Variants in TBX1 observed in about 807,000 individuals in gnomAD.
The protein encoded by TBX1 is T-box transcription factor TBX1.
TBX1 carries 16 observed loss-of-function variants against 40.8 expected under a neutral mutation model. The observed-to-expected ratio is 0.39, with a 90% CI of 0.27 to 0.60. TBX1 has a LOEUF of 0.60. TBX1 is among the 20% of genes least tolerant of loss of function. The pLI is 0.51. For missense variants in TBX1, 755 were observed against 728.5 expected (o/e 1.04, Z -0.42); for synonymous variants, 403 against 336.8 (o/e 1.20, Z -2.15).
Position 19,760,966 on chromosome 22 carries a change from G to T in TBX1, c.123G>T (p.Ser41=). 4 of 988,226 alleles carry T rather than the reference G, an allele frequency of 4.0e-6. No individual in the cohort carries two copies. Among genetic ancestry groups the T allele is most frequent in the Non-Finnish European group, 4.8e-6 (4 of 831,346 alleles). The allele number at this position is 988,226 out of a possible 1,614,324, so 61.2% of individuals were successfully genotyped here. The change falls in exon 1 of 7, where the codon TCG becomes TCT. Residue 41 remains serine, a synonymous_variant. Coordinates refer to ENST00000649276, the MANE Select transcript of TBX1 (RefSeq NM_001379200.1). ...GAAGGFPGAA[S]PGADPYGPRE... is the part of the protein sequence containing the mutation. ...CGGGGGGCTTCCCGGGCGCCGCGTC[G>T]CCCGGCGCCGACCCGTACGGCCCGC...
rs757867291 is a variant in TBX1, at chr22:19,766,785, C to T, written c.1433C>T (p.Ala478Val). 8.7e-6 allele frequency: 13 copies of T among 1,494,414 alleles called. No individual in the cohort carries two copies. The highest frequency in any genetic ancestry group is 1.1e-5 in the Non-Finnish European group (12 of 1,137,624). 92.6% of individuals were successfully genotyped at this position (1,494,414 alleles called of 1,614,324 possible). A position where few individuals can be genotyped will look rare whatever the true frequency, so the allele number is the denominator to read the frequency against. ...CCAGCCGCCGCGGCCGCCGCCGCCG[C>T]TGCCGCAGCTGCCGCGGCCGCCAAC... ...VSPAAAAAAA[A>V]AAAAAAANMY... The change falls in exon 7 of 7, where the codon GCT becomes GTT. Residue 478 changes from alanine (A) to valine (V), a missense_variant. Around this residue, in one of 3 missense-constraint regions of TBX1, gnomAD observed 412 missense variants for 317.6 expected, o/e 1.30. Coordinates refer to ENST00000649276, the MANE Select transcript of TBX1 (RefSeq NM_001379200.1).
At chr22:19,758,325 G>A (rs1430420052), upstream of TBX1, among the ~76,000 whole-genome samples, 1 of 152,194 alleles carries the variant, frequency 6.6e-6, no homozygotes, top group African/African-American at 2.4e-5. Context: ...AGGCACAGAG[G>A]CTCCAGCAAG....
intron 6 of TBX1, 150 bp downstream of exon 6, chr22:19,766,152 C>T: frequency 1.3e-6 from 1 of 765,648 alleles, no homozygotes; most frequent in Non-Finnish European, 1.6e-6. Context: ...AGCGCGCACT[C>T]GCCCGCCCGG....
chr22:19,762,225 G>C (rs1254358857), intron 1 of TBX1, among the ~76,000 whole-genome samples: 1 of 152,262 alleles, frequency 6.6e-6, no homozygotes, highest in Non-Finnish European at 1.5e-5. Context: ...AGCCCGGCAA[G>C]GGCCTTGTCG....
chr22:19,777,850 C>G (rs1178880674), intron 8 of TBX1, among the ~76,000 whole-genome samples: 2 of 151,344 alleles, frequency 1.3e-5, no homozygotes, highest in Non-Finnish European at 2.9e-5. Flanking sequence ...GCCTTGACCT[C>G]CTAGGCTCAA....
chr22:19,782,847 G>A (rs1937154749), downstream of TBX1: 8 of 1,613,358 alleles, frequency 5.0e-6, no homozygotes, highest in Admixed American at 1.7e-5. Context: ...ATTTGATAAA[G>A]GCCACAAACA....
At position 19,765,793 on chromosome 22, in the gene TBX1, G is replaced by T. The variant is rs763843987; in HGVS notation, c.903G>T (p.Ala301=). The T allele has an allele frequency of 1.9e-6, 3 of 1,611,426 alleles. No individual in the cohort carries two copies. Among genetic ancestry groups the T allele is most frequent in the Non-Finnish European group, 2.5e-6 (3 of 1,179,116 alleles). ...TCAAGATTGCCAGCAATCCCTTCGCGAAAGGCTTCCGGGACTGTGACCCTG... is the reference window on the plus strand; with the variant it reads ...TCAAGATTGCCAGCAATCCCTTCGCTAAAGGCTTCCGGGACTGTGACCCTG... The part of the protein sequence containing the change: ...TQLKIASNPF[A]KGFRDCDPED... The change falls in exon 5 of 7, where the codon GCG becomes GCT. Residue 301 remains alanine, a synonymous_variant. Transcript: ENST00000649276.
In TBX1 at chr22:19,765,952, G is replaced by C. The variant is rs1271930172; in HGVS notation, c.986G>C (p.Arg329Pro). 4 of 1,521,666 alleles carry C rather than the reference G, an allele frequency of 2.6e-6. No individual in the cohort carries two copies. Among genetic ancestry groups the C allele is most frequent in the South Asian group, 1.2e-5 (1 of 81,946 alleles). 94.3% of individuals were successfully genotyped at this position (1,521,666 alleles called of 1,614,324 possible). Residue 329 changes from arginine (R) to proline (P), a missense_variant, in exon 6 of 7, where the codon CGC (arginine) becomes CCC (proline). Transcript: ENST00000649276. ...GALPLMSAFA[R>P]SRNPVASPTQ... Reference sequence around the variant, plus strand: ...CTGCCGCTCATGAGCGCCTTCGCGCGCTCGCGGAACCCCGTGGCTTCCCCG... The same window carrying C: ...CTGCCGCTCATGAGCGCCTTCGCGCCCTCGCGGAACCCCGTGGCTTCCCCG...
exon 9 of TBX1, chr22:19,779,388 C>T: frequency 6.2e-7 from 1 of 1,614,210 alleles, no homozygotes; most frequent in Non-Finnish European, 8.5e-7. Flanking sequence ...GGGAGGACCG[C>T]AGGTGACCGT....
Position 19,761,139 on chromosome 22 carries a change from G to T in TBX1, c.296G>T (p.Gly99Val). The T allele has an allele frequency of 6.9e-7, 1 of 1,455,158 alleles. No individual in the cohort carries two copies. Among genetic ancestry groups the T allele is most frequent in the East Asian group, 3.1e-5 (1 of 32,208 alleles). 90.1% of individuals were successfully genotyped at this position (1,455,158 alleles called of 1,614,324 possible). A position where few individuals can be genotyped will look rare whatever the true frequency, so the allele number is the denominator to read the frequency against. The part of the protein sequence containing the change: ...TSAAAEPEGP[G>V]ASCAAAAKAP... ...GCCGCCGCCGAGCCCGAGGGCCCCG[G>T]GGCCAGCTGCGCGGCCGCAGCCAAG... Residue 99 changes from glycine (G) to valine (V), a missense_variant, in exon 1 of 7, where the codon GGG (glycine) becomes GTG (valine). Around this residue, in one of 3 missense-constraint regions of TBX1, gnomAD observed 199 missense variants for 173.0 expected, o/e 1.15. Transcript: ENST00000649276.
chr22:19,769,100 AC>A (rs1936945464), downstream of TBX1, among the ~76,000 whole-genome samples: 1 of 151,846 alleles, frequency 6.6e-6, no homozygotes, highest in African/African-American at 2.4e-5. Flanking sequence ...AGCTGGGACT[AC>A]AGGAATGTAC....
chr22:19,760,582 CGA>C, upstream of TBX1, among the ~76,000 whole-genome samples: 1 of 135,176 alleles, frequency 7.4e-6, no homozygotes, highest in African/African-American at 2.7e-5. Flanking sequence ...CCGGGCCGAG[CGA>C]GCCGCGGCGG....
intron 2 of TBX1, 92 bp downstream of exon 2, chr22:19,763,434 C>A: frequency 1.7e-6 from 2 of 1,169,742 alleles, no homozygotes; most frequent in Non-Finnish European, 1.3e-6. Context: ...GGGTCGTCTG[C>A]ACCATGAAAC....
downstream of TBX1, chr22:19,783,450 T>C (rs41298852): frequency 0.035 from 10,082 of 286,246 alleles, 636 homozygotes; most frequent in African/African-American, 0.16. Flanking sequence ...CTCGGGAGGC[T>C]GAGGCAGGAG....
At position 19,761,219 on chromosome 22, in the gene TBX1, A is replaced by G; in HGVS notation, c.376A>G (p.Lys126Glu). ...VAGVSVQLEM[K>E]ALWDEFNQLG... ...CGGTGTGAGCGTGCAGCTAGAGATG[A>G]AGGCGCTGTGGGACGAGTTCAACCA... The change falls in exon 1 of 7, where the codon AAG (lysine) becomes GAG (glutamate). Residue 126 changes from lysine to glutamate, a missense_variant. By Grantham distance (56) the Lys-to-Glu change is moderately conservative. This residue lies in a region of TBX1 where 199 missense variants were observed against 173.0 expected (regional missense o/e 1.15). Coordinates refer to ENST00000649276, the MANE Select transcript of TBX1 (RefSeq NM_001379200.1). 1 of 1,570,340 alleles carries G rather than the reference A, an allele frequency of 6.4e-7. No individual in the cohort carries two copies. Among genetic ancestry groups the G allele is most frequent in the Non-Finnish European group, 8.6e-7 (1 of 1,156,930 alleles).
chr22:19,773,959 A>G (rs1569029098), intron 8 of TBX1, among the ~76,000 whole-genome samples: 2 of 152,280 alleles, frequency 1.3e-5, no homozygotes, highest in Admixed American at 6.5e-5. Flanking sequence ...TCTCATGCAC[A>G]GGTCTCTTCC....
rs1003072874 is a variant in TBX1 at position 19,767,084 on chromosome 22, C to T, written c.*217C>T. On this transcript the variant is annotated 3_prime_UTR_variant, in exon 7 of 7. Coordinates refer to ENST00000649276, the MANE Select transcript of TBX1 (RefSeq NM_001379200.1). ...CCGGTTCCCCAGTCCCTGGAGCCAC[C>T]GCGGGTCCTTCCCCGGCCCCGAGGG... is the stretch of plus-strand genomic sequence containing the variant. The T allele has an allele frequency of 1.6e-6, 2 of 1,267,294 alleles. No homozygotes were observed. Among genetic ancestry groups the T allele is most frequent in the African/African-American group, 1.6e-5 (1 of 63,822 alleles). The allele number at this position is 1,267,294 out of a possible 1,614,324, so 78.5% of individuals were successfully genotyped here. A position where few individuals can be genotyped will look rare whatever the true frequency, so the allele number is the denominator to read the frequency against.
chr22:19,756,721 A>C (rs1936493885), upstream of TBX1: 1 of 152,212 alleles, frequency 6.6e-6, no homozygotes, highest in African/African-American at 2.4e-5. Context: ...GGGAGCGAGG[A>C]GGAAGGGAAC....
At chr22:19,768,455 C>T (rs1936927406), downstream of TBX1, among the ~76,000 whole-genome samples, 1 of 152,188 alleles carries the variant, frequency 6.6e-6, no homozygotes, top group Non-Finnish European at 1.5e-5. Flanking sequence ...CCATCCAAAG[C>T]CTCAAAGGGC....
Sources: gnomAD v4.1 joint callset for allele counts (sites outside exome capture counted in the v4.1 genomes callset) on GRCh38, gnomAD v4.1.1 for gene constraint, gnomAD v4.1.1 regional missense constraint, MANE v1.5 for transcripts, NCBI Gene and HGNC (gene_info 2026-07-23, HGNC 2026-07-21) for gene names.